The following COLEC10 variants were observed in gnomAD, a reference collection of about 807,000 sequenced individuals.
COLEC10 encodes the protein collectin subfamily member 10, also known as collectin-10.
Under a neutral mutation model 28.4 loss-of-function variants are expected in COLEC10, and 22 were observed. The ratio of observed to expected loss-of-function variants is 0.78; its 90% CI spans 0.55 to 1.11. The LOEUF (loss-of-function observed/expected upper bound fraction) is 1.11. Among genes scored for constraint, COLEC10 ranks in the 50% least tolerant of loss-of-function variants. The pLI is 0.00. For missense variants in COLEC10, 361 were observed against 344.1 expected, an observed-to-expected ratio of 1.05 and a Z score of -0.39; for synonymous variants, 125 against 116.1, an observed-to-expected ratio of 1.08 and a Z score of -0.49.
intron 2 of COLEC10, among the ~76,000 whole-genome samples, chr8:119,017,387 G>A (rs1814013506): frequency 6.6e-6 from 1 of 152,146 alleles, no homozygotes; most frequent in Admixed American, 6.5e-5. Context: ...CAAGACTATA[G>A]TAATGACAAC....
At chr8:119,104,818 A>G (rs774542110) in intron 5 of COLEC10, among the ~76,000 whole-genome samples, 2 of 152,190 alleles carry the variant, frequency 1.3e-5, no homozygotes, top group Non-Finnish European at 2.9e-5. Context: ...ACTGTCATGA[A>G]TAAGCCAGAT....
chr8:119,003,796 T>G (rs1014320096), intron 1 of COLEC10, among the ~76,000 whole-genome samples: 6 of 152,104 alleles, frequency 3.9e-5, no homozygotes, highest in African/African-American at 7.2e-5. Context: ...TCTTGATTTT[T>G]ACATCTTACT....
intron 2 of COLEC10, among the ~76,000 whole-genome samples, chr8:119,039,999 T>C (rs6993813): frequency 0.6 from 91,544 of 151,922 alleles, 28,320 homozygotes; most frequent in African/African-American, 0.75. Context: ...GATTAGGGCA[T>C]GGGCATCTTT....
At chr8:119,049,401 C>CT (rs34885340) in intron 2 of COLEC10, among the ~76,000 whole-genome samples, 3,008 of 59,728 alleles carry the variant, frequency 0.05, 457 homozygotes, top group Non-Finnish European at 0.062. Context: ...ATTTTCTTTT[C>CT]TTTTTTTTTT....
chr8:119,097,916 A>G (rs1311061718), intron 3 of COLEC10, among the ~76,000 whole-genome samples: 2 of 152,028 alleles, frequency 1.3e-5, no homozygotes, highest in African/African-American at 4.8e-5. Flanking sequence ...AACATACACA[A>G]CATAACCTTA....
chr8:118,962,459 GA>G, the COLEC10 span, among the ~76,000 whole-genome samples: 2 of 152,136 alleles, frequency 1.3e-5, no homozygotes, highest in Non-Finnish European at 1.5e-5. Context: ...AGGTATAATT[GA>G]TATTCAATGA....
intron 2 of COLEC10, among the ~76,000 whole-genome samples, chr8:119,061,079 C>T (rs954924258): frequency 2.6e-5 from 4 of 151,940 alleles, no homozygotes; most frequent in African/African-American, 9.7e-5. Context: ...GCTCAATAAA[C>T]ATTCGTTGAA....
At chr8:118,956,291 T>C in the COLEC10 span, among the ~76,000 whole-genome samples, 1 of 152,156 alleles carries the variant, frequency 6.6e-6, no homozygotes. Context: ...CAACATTCAG[T>C]CCATAACAAA....
chr8:119,081,057 TACAA>T (rs145552859), intron 1 of COLEC10, among the ~76,000 whole-genome samples: 9,699 of 152,196 alleles, frequency 0.064, 991 homozygotes, highest in African/African-American at 0.22. Context: ...TTTTTGCCAC[TACAA>T]ACATTCTTAT....
At chr8:119,037,519 T>C (rs1814410640) in intron 2 of COLEC10, among the ~76,000 whole-genome samples, 1 of 152,198 alleles carries the variant, frequency 6.6e-6, no homozygotes, top group African/African-American at 2.4e-5. Context: ...GACTGGACTC[T>C]TGTGTCTTCA....
At chr8:119,082,249 C>T (rs937017473) in intron 1 of COLEC10, among the ~76,000 whole-genome samples, 15 of 152,232 alleles carry the variant, frequency 9.9e-5, no homozygotes, top group African/African-American at 2.6e-4. Context: ...ACCTGGGCTG[C>T]CTTATGAGAT....
Position 119,011,009 on chromosome 8 carries a change from T to C in COLEC10, n.235+1456T>C, listed in dbSNP as rs76777219. On this transcript the variant is annotated intron_variant and non_coding_transcript_variant, in intron 2 of 6. Coordinates refer to the COLEC10 transcript ENST00000521788. ...ATTGTTCATTTTAATGAAGTTCAGC[T>C]TATCAATTTTCTCTTTCATGGATTT... Among the ~76,000 whole-genome samples the C allele has an allele frequency of 5.2e-4, 79 of 151,140 alleles. No individual in the cohort carries two copies. In the East Asian group the frequency reaches 0.014, roughly 27 times the overall value.
At chr8:119,038,282 T>C (rs972929232) in intron 2 of COLEC10, among the ~76,000 whole-genome samples, 2 of 152,238 alleles carry the variant, frequency 1.3e-5, no homozygotes, top group Admixed American at 6.5e-5. Context: ...AATGGGATTA[T>C]ATACACAGTA....
intron 3 of COLEC10, among the ~76,000 whole-genome samples, chr8:119,101,073 G>A (rs749207640): frequency 4.6e-5 from 7 of 152,150 alleles, no homozygotes; most frequent in East Asian, 1.9e-4. Context: ...AACATGGGGC[G>A]CCCTACAGGT....
At position 119,011,444 on chromosome 8, in the gene COLEC10, G is replaced by A. The variant is rs1813899131; in HGVS notation, n.235+1891G>A. The stretch of plus-strand genomic sequence containing the variant: ...TCCAATTCTGCTTTCCTTCAATATT[G>A]TGTTGACTATACTTGGTCATTTGCC... On this transcript the variant is annotated intron_variant and non_coding_transcript_variant, in intron 2 of 6. Transcript: ENST00000521788. Among the ~76,000 whole-genome samples, 3 of 148,968 alleles carry A rather than the reference G, an allele frequency of 2.0e-5. 1 individual carries two copies. The highest frequency in any genetic ancestry group is 5.1e-5 in the African/African-American group (2 of 39,020).
At chr8:119,077,233 G>A (rs909349908) in intron 1 of COLEC10, among the ~76,000 whole-genome samples, 1 of 143,548 alleles carries the variant, frequency 7.0e-6, no homozygotes, top group Non-Finnish European at 1.5e-5. Flanking sequence ...ATTAGCCTGG[G>A]TAGAGAATGA....
intron 1 of COLEC10, among the ~76,000 whole-genome samples, chr8:119,002,403 A>G (rs1403379356): frequency 3.3e-5 from 5 of 152,164 alleles, no homozygotes; most frequent in African/African-American, 7.2e-5. Context: ...ATTAAAAGCT[A>G]GGTTTCATTT....
intron 4 of COLEC10, chr8:119,102,693 C>T (rs2058350236): frequency 6.5e-6 from 2 of 305,752 alleles, no homozygotes; most frequent in African/African-American, 4.4e-5. Context: ...AAAACTCTGG[C>T]AGTAAGCCCT....
intron 1 of COLEC10, among the ~76,000 whole-genome samples, chr8:119,005,409 T>TC (rs1813776314): frequency 6.6e-6 from 1 of 152,152 alleles, no homozygotes; most frequent in Non-Finnish European, 1.5e-5. Context: ...ACAGTTTTTC[T>TC]TTCCCCAGGG....
Sources: allele counts gnomAD v4.1 joint callset (sites outside exome capture counted in the v4.1 genomes callset), GRCh38; gene constraint gnomAD v4.1.1; transcripts MANE v1.5; gene names NCBI Gene and HGNC (gene_info 2026-07-23, HGNC 2026-07-21).